The following PKM variants were observed in gnomAD, a reference collection of about 807,000 sequenced individuals.
PKM encodes pyruvate kinase PKM.
In PKM, 18 loss-of-function variants were observed where a neutral mutation model predicts 49.8. That is an observed-to-expected ratio of 0.36 (90% confidence interval 0.25 to 0.54). The LOEUF (loss-of-function observed/expected upper bound fraction) is 0.54, where lower values mean the gene tolerates loss of function less well. Ranked by LOEUF, PKM falls within the 20% of genes least tolerant of loss-of-function variation. The pLI, the probability that PKM is intolerant of heterozygous loss-of-function variation, is 0.89. For synonymous variants in PKM, 239 were observed against 261.8 expected (o/e 0.91, Z 0.84); for missense variants, 508 against 713.8 (o/e 0.71, Z 3.28).
At chr15:72,226,613 A>G (rs2082677853) in intron 1 of PKM, among the ~76,000 whole-genome samples, 1 of 152,078 alleles carries the variant, frequency 6.6e-6, no homozygotes. Flanking sequence ...AAGGGATAGG[A>G]CTCCCTTCAG....
chr15:72,216,436 T>A (rs1214461603), intron 3 of PKM, among the ~76,000 whole-genome samples: 2 of 151,998 alleles, frequency 1.3e-5, no homozygotes, highest in Non-Finnish European at 2.9e-5. Flanking sequence ...GCCAAGGCAA[T>A]ATAGTGAGAC....
At position 72,199,895 on chromosome 15, in the gene PKM, C is replaced by T. The variant is rs1430568981; in HGVS notation, c.1490-139G>A. ...ACACCACAAGGTGGCACCAAACTCA[C>T]AGCCCAGGCAAACAGGAGGAAGGCC... On this transcript the variant is annotated intron_variant, in intron 10 of 10. Transcript: ENST00000335181. 3 of 703,080 alleles carry T rather than the reference C, an allele frequency of 4.3e-6. No homozygotes were observed. In the Admixed American group the frequency reaches 6.1e-5, roughly 14 times the overall value. The allele number at this position is 703,080 out of a possible 1,614,324, so 43.6% of individuals were successfully genotyped here. A position where few individuals can be genotyped will look rare whatever the true frequency, so the allele number is the denominator to read the frequency against.
chr15:72,229,744 T>C, intron 1 of PKM: 1 of 1,154,030 alleles, frequency 8.7e-7, no homozygotes, highest in Non-Finnish European at 1.1e-6. Context: ...ACTCGTCTAG[T>C]CATCCTGGTC....
intron 1 of PKM, among the ~76,000 whole-genome samples, chr15:72,227,861 G>A (rs970658103): frequency 6.7e-6 from 1 of 148,462 alleles, no homozygotes; most frequent in African/African-American, 2.5e-5. Flanking sequence ...TCCTGCCCAC[G>A]GCCGTTTCCT....
rs549281762 is a variant in PKM at position 72,204,942 on chromosome 15, C to A, written c.1140+1786G>T. 2.6e-5 allele frequency among the ~76,000 whole-genome samples: 4 copies of A among 152,274 alleles called. No homozygotes were observed. In the South Asian group the frequency reaches 8.3e-4, roughly 32 times the overall value. Reference sequence around the variant, plus strand: ...CTTTAGTGGTGACTGGTTCAAGGTGCACCGTCTCCTGGGACACCTTCCTAC... The same window carrying A: ...CTTTAGTGGTGACTGGTTCAAGGTGAACCGTCTCCTGGGACACCTTCCTAC... On this transcript the variant is annotated intron_variant, in intron 8 of 10. Coordinates refer to ENST00000335181, the MANE Select transcript of PKM (RefSeq NM_002654.6).
intron 1 of PKM, among the ~76,000 whole-genome samples, chr15:72,229,891 T>C (rs1004723012): frequency 6.9e-6 from 1 of 145,522 alleles, no homozygotes; most frequent in Non-Finnish European, 1.5e-5. Flanking sequence ...ACGCATTTGT[T>C]AAAAAATGTG....
chr15:72,223,023 C>CT (rs755504486), intron 1 of PKM, among the ~76,000 whole-genome samples: 4,142 of 132,034 alleles, frequency 0.031, 171 homozygotes, highest in African/African-American at 0.078. Context: ...TTTTTTTTTT[C>CT]TTTTTTTTTT....
chr15:72,206,551 G>A (rs1417988157), intron 8 of PKM, 177 bp downstream of exon 8: 2 of 617,864 alleles, frequency 3.2e-6, no homozygotes, highest in Non-Finnish European at 5.7e-6. Context: ...TGCAGAACAG[G>A]AGAAAAAAAA....
chr15:72,229,517 G>C, intron 1 of PKM: 1 of 1,262,782 alleles, frequency 7.9e-7, no homozygotes, highest in Non-Finnish European at 1.0e-6. Flanking sequence ...TCTGGAGTAC[G>C]TAGATTAAGA....
At chr15:72,199,798 A>G in intron 10 of PKM, 42 bp from the exon 11 acceptor site, 1 of 1,445,386 alleles carries the variant, frequency 6.9e-7, no homozygotes, top group African/African-American at 1.4e-5. Context: ...AAGCCAAGCC[A>G]GGCAGGTTTG....
At position 72,207,210 on chromosome 15, in the gene PKM, G is replaced by C. The variant is rs774905909; in HGVS notation, c.904C>G (p.Pro302Ala). ...TGAGCAAGGAAGACCTTCTCTGCAGGAATCTCAATGCCTAGATCACCACGA... is the reference window on the plus strand; with the variant it reads ...TGAGCAAGGAAGACCTTCTCTGCAGCAATCTCAATGCCTAGATCACCACGA... ...VARGDLGIEI[P>A]AEKVFLAQKM... Residue 302 changes from proline to alanine, a missense_variant, in exon 7 of 11, where the codon CCT (proline) becomes GCT (alanine). Coordinates refer to ENST00000335181, the MANE Select transcript of PKM (RefSeq NM_002654.6). The C allele has an allele frequency of 1.2e-6, 2 of 1,614,020 alleles. No homozygotes were observed. Among genetic ancestry groups the C allele is most frequent in the Admixed American group, 1.7e-5 (1 of 60,024 alleles).
intron 1 of PKM, among the ~76,000 whole-genome samples, chr15:72,227,057 A>G (rs2140811735): frequency 6.6e-6 from 1 of 152,346 alleles, no homozygotes; most frequent in South Asian, 2.1e-4. Flanking sequence ...CTTCTTTAAC[A>G]AAGTCCCAAG....
chr15:72,225,200 T>C (rs1270064039), intron 1 of PKM, among the ~76,000 whole-genome samples: 1 of 151,560 alleles, frequency 6.6e-6, no homozygotes, highest in South Asian at 2.1e-4. Flanking sequence ...CTTCCCAAAG[T>C]GCTGGGATTA....
intron 3 of PKM, among the ~76,000 whole-genome samples, chr15:72,210,966 C>G (rs902681609): frequency 6.6e-6 from 1 of 152,168 alleles, no homozygotes; most frequent in African/African-American, 2.4e-5. Context: ...TCTATTGATT[C>G]CAACTACAAC....
chr15:72,223,591 TTCC>T (rs1460184457), intron 1 of PKM, among the ~76,000 whole-genome samples: 2 of 152,282 alleles, frequency 1.3e-5, no homozygotes, highest in African/African-American at 2.4e-5. Context: ...TCTAGTTCTC[TTCC>T]TCAACAATGG....
intron 1 of PKM, among the ~76,000 whole-genome samples, chr15:72,220,637 C>T (rs2082497063): frequency 6.6e-6 from 1 of 152,244 alleles, no homozygotes; most frequent in African/African-American, 2.4e-5. Context: ...ATATCTACTA[C>T]GTACCAAAAT....
chr15:72,202,913 G>T lies in PKM; in HGVS notation c.1141-293C>A. 8.5e-7 allele frequency: 1 copy of T among 1,169,888 alleles called. No homozygotes were observed. The highest frequency in any genetic ancestry group is 1.3e-6 in the Non-Finnish European group (1 of 787,864). 72.5% of individuals were successfully genotyped at this position (1,169,888 alleles called of 1,614,324 possible). ...TCCCTGGCGGTGTTCCTACAGACGA[G>T]AAGAGGCTCTGTGCCCAGATGCCAG... On this transcript the variant is annotated intron_variant, in intron 8 of 10. Coordinates refer to ENST00000335181, the MANE Select transcript of PKM (RefSeq NM_002654.6). The surrounding 1 kb of genome is among the most constrained non-coding windows in gnomAD (Gnocchi z 4.5).
At position 72,200,085 on chromosome 15, in the gene PKM, ATC is replaced by A. The variant is rs1398917014; in HGVS notation, c.1490-331_1490-330del. Among the ~76,000 whole-genome samples, 1 of 152,052 alleles carries A rather than the reference ATC, an allele frequency of 6.6e-6. No individual in the cohort carries two copies. The highest frequency in any genetic ancestry group is 1.5e-5 in the Non-Finnish European group (1 of 67,998). ...GGGACAATGGCCACATCAGTACGTA[ATC>A]TGTGTATGCCACCCCACAGCACAGG... On this transcript the variant is annotated intron_variant, in intron 10 of 10. Coordinates refer to ENST00000335181, the MANE Select transcript of PKM (RefSeq NM_002654.6). The surrounding 1 kb of genome is among the most constrained non-coding windows in gnomAD (Gnocchi z 4.6).
At chr15:72,227,578 T>C (rs1371199898) in intron 1 of PKM, among the ~76,000 whole-genome samples, 1 of 151,862 alleles carries the variant, frequency 6.6e-6, no homozygotes, top group Non-Finnish European at 1.5e-5. Context: ...ACCCCATCTC[T>C]ACTAAAAATA....
Sources: allele counts gnomAD v4.1 joint callset (sites outside exome capture counted in the v4.1 genomes callset), GRCh38; gene constraint gnomAD v4.1.1; non-coding constraint Gnocchi (gnomAD v3.1); transcripts MANE v1.5; gene names NCBI Gene and HGNC (gene_info 2026-07-23, HGNC 2026-07-21).